Variants in FGGY observed in about 807,000 individuals in gnomAD.
The protein encoded by FGGY is FGGY carbohydrate kinase domain-containing protein.
A neutral mutation model predicts 71.3 loss-of-function variants in FGGY; 72 were observed. The observed-to-expected ratio is 1.01, with a 90% CI of 0.84 to 1.23. The LOEUF (loss-of-function observed/expected upper bound fraction) is 1.23, where lower values mean the gene tolerates loss of function less well. FGGY is among the 50% of genes most tolerant of loss of function. The probability of loss-of-function intolerance (pLI) is 0.00; values close to 1 mark genes in which losing one functional copy is unlikely to be tolerated. For missense variants in FGGY, 668 were observed against 682.3 expected, an observed-to-expected ratio of 0.98 and a Z score of 0.23; for synonymous variants, 251 against 250.3, an observed-to-expected ratio of 1.00 and a Z score of -0.02.
intron 5 of FGGY, among the ~76,000 whole-genome samples, chr1:59,385,547 G>A (rs958086771): frequency 6.6e-6 from 1 of 152,020 alleles, no homozygotes; most frequent in African/African-American, 2.4e-5. Flanking sequence ...CTATTAAGTG[G>A]GTTACTGTCT....
intron 13 of FGGY, chr1:59,673,796 G>C (rs915872502): frequency 2.3e-6 from 1 of 428,732 alleles, no homozygotes; most frequent in Non-Finnish European, 4.3e-6. Flanking sequence ...CTGAGGTCTC[G>C]TGAGTTGATA....
intron 4 of FGGY, among the ~76,000 whole-genome samples, chr1:59,377,586 T>A (rs1363504121): frequency 6.6e-6 from 1 of 152,158 alleles, no homozygotes; most frequent in Non-Finnish European, 1.5e-5. Context: ...CAAGATGAGA[T>A]TTGAGTGAAG....
At chr1:59,502,789 A>C (rs1293310372) in intron 6 of FGGY, among the ~76,000 whole-genome samples, 2 of 152,144 alleles carry the variant, frequency 1.3e-5, no homozygotes, top group Non-Finnish European at 2.9e-5. Flanking sequence ...AGTTTTCTCT[A>C]CTGTAAAATG....
At chr1:59,324,983 AATGAT>A (rs1455536317) in intron 2 of FGGY, among the ~76,000 whole-genome samples, 5 of 152,184 alleles carry the variant, frequency 3.3e-5, no homozygotes, top group African/African-American at 9.7e-5. Context: ...TACATAAATG[AATGAT>A]ATATCTCTGT....
chr1:59,535,283 T>C lies in FGGY; in HGVS notation c.800-18841T>C, dbSNP rs1467837971. ...GATCAATTCAACAAGAAGAGCTAAC[T>C]ATCCTAAATATATGTGCACCCAATA... On this transcript the variant is annotated intron_variant, in intron 7 of 15. Coordinates refer to ENST00000303721, the MANE Select transcript of FGGY (RefSeq NM_018291.5). Among the ~76,000 whole-genome samples the C allele has an allele frequency of 9.2e-5, 14 of 152,238 alleles. No homozygotes were observed. The South Asian group carries it at 2.3e-3, about 25-fold the overall frequency.
chr1:59,591,486 A>G (rs2096435892), intron 8 of FGGY, among the ~76,000 whole-genome samples: 1 of 149,870 alleles, frequency 6.7e-6, no homozygotes, highest in Non-Finnish European at 1.5e-5. Context: ...CGCCAAGTCA[A>G]TCCTAAGCCA....
At chr1:59,372,203 G>A (rs187475908) in intron 4 of FGGY, among the ~76,000 whole-genome samples, 45 of 152,110 alleles carry the variant, frequency 3.0e-4, no homozygotes, top group African/African-American at 9.6e-4. Context: ...TCAAATAGAC[G>A]CAATTAAAAA....
rs555916392 is a variant in FGGY, at chr1:59,650,110, A to G, written c.1222-10109A>G. On this transcript the variant is annotated intron_variant, in intron 11 of 15. Transcript: ENST00000303721. ...TCCCAGGGATGAAGCCCACTTGATC[A>G]TGGTGGATAAGCTTTTTGATGTGCT... 2.0e-5 allele frequency among the ~76,000 whole-genome samples: 3 copies of G among 148,488 alleles called. No homozygotes were observed. The East Asian group carries it at 5.8e-4, about 29-fold the overall frequency.
At chr1:59,339,897 T>C in intron 2 of FGGY, 61 bp from the exon 3 acceptor site, 1 of 973,834 alleles carries the variant, frequency 1.0e-6, no homozygotes, top group South Asian at 1.5e-5. Context: ...TAGTTGTAAC[T>C]GTTTTCAATC....
At chr1:59,521,304 C>T (rs140529204) in intron 7 of FGGY, among the ~76,000 whole-genome samples, 121 of 152,204 alleles carry the variant, frequency 7.9e-4, no homozygotes, top group African/African-American at 2.8e-3. Flanking sequence ...AGAGAGCATA[C>T]GTGGGGGGAA....
chr1:59,709,444 G>A (rs747113461), intron 14 of FGGY, among the ~76,000 whole-genome samples: 2 of 145,448 alleles, frequency 1.4e-5, no homozygotes, highest in African/African-American at 2.6e-5. Context: ...AGATTTAGGT[G>A]GAGACACAGA....
At chr1:59,380,085 G>A (rs2059209407) in intron 5 of FGGY, among the ~76,000 whole-genome samples, 1 of 151,882 alleles carries the variant, frequency 6.6e-6, no homozygotes, top group South Asian at 2.1e-4. Context: ...TGAGAATGAT[G>A]GTTTCCAGCT....
intron 7 of FGGY, among the ~76,000 whole-genome samples, chr1:59,525,115 C>T (rs1027061102): frequency 3.3e-5 from 5 of 152,270 alleles, no homozygotes; most frequent in Non-Finnish European, 7.3e-5. Flanking sequence ...CCATGCAGCA[C>T]ATCAGATCCA....
intron 8 of FGGY, among the ~76,000 whole-genome samples, chr1:59,588,462 C>T (rs1321028325): frequency 2.0e-5 from 3 of 152,004 alleles, no homozygotes; most frequent in South Asian, 2.1e-4. Context: ...AGATACTCCT[C>T]GAGAAGAGCA....
chr1:59,334,937 C>T (rs1490779456), intron 2 of FGGY, among the ~76,000 whole-genome samples: 1 of 152,174 alleles, frequency 6.6e-6, no homozygotes, highest in Non-Finnish European at 1.5e-5. Flanking sequence ...TCTATATCCT[C>T]CTCCTGCAGT....
At chr1:59,589,903 C>G (rs12059910) in intron 8 of FGGY, among the ~76,000 whole-genome samples, 4,044 of 152,058 alleles carry the variant, frequency 0.027, 181 homozygotes, top group African/African-American at 0.093. Flanking sequence ...CAAACACATT[C>G]AAAAGCTAGC....
chr1:59,571,536 G>C (rs2095985173), intron 8 of FGGY, among the ~76,000 whole-genome samples: 1 of 152,202 alleles, frequency 6.6e-6, no homozygotes, highest in South Asian at 2.1e-4. Context: ...GGCATTGTCT[G>C]ATCAATTTGA....
chr1:59,477,163 C>G (rs2093300985), intron 6 of FGGY, among the ~76,000 whole-genome samples: 1 of 152,166 alleles, frequency 6.6e-6, no homozygotes, highest in African/African-American at 2.4e-5. Flanking sequence ...TTGGCCTTCT[C>G]TATTGCATGT....
At chr1:59,402,993 T>G (rs1202029064) in intron 5 of FGGY, among the ~76,000 whole-genome samples, 1 of 152,088 alleles carries the variant, frequency 6.6e-6, no homozygotes, top group African/African-American at 2.4e-5. Context: ...GGATACAGAT[T>G]GCACTGTCAA....
Sources: allele counts gnomAD v4.1 joint callset (sites outside exome capture counted in the v4.1 genomes callset), GRCh38; gene constraint gnomAD v4.1.1; transcripts MANE v1.5; gene names NCBI Gene and HGNC (gene_info 2026-07-23, HGNC 2026-07-21).